GRID2: variants seen among roughly 807,000 people sequenced by gnomAD.
GRID2 encodes the protein glutamate ionotropic receptor delta type subunit 2.
Under a neutral mutation model 114.8 loss-of-function variants are expected in GRID2, and 33 were observed. That is an observed-to-expected ratio of 0.29 (90% CI 0.22 to 0.38). GRID2 has a LOEUF of 0.38. Among genes scored for constraint, GRID2 ranks in the 10% least tolerant of loss-of-function variants. GRID2 has a pLI of 1.00. For missense variants in GRID2, 1,184 were observed against 1,257.7 expected (o/e 0.94, Z 0.89); for synonymous variants, 505 against 449.9 (o/e 1.12, Z -1.55).
chr4:93,554,867 T>C (rs1734150147), intron 13 of GRID2, among the ~76,000 whole-genome samples: 1 of 152,266 alleles, frequency 6.6e-6, no homozygotes, highest in East Asian at 1.9e-4. Context: ...GCAAAATCAA[T>C]GCAGAAGGCG....
intron 8 of GRID2, among the ~76,000 whole-genome samples, chr4:93,379,142 A>T (rs919746772): frequency 6.6e-6 from 1 of 152,086 alleles, no homozygotes; most frequent in Non-Finnish European, 1.5e-5. Flanking sequence ...TTGTGTTTTC[A>T]TAGTAAGGCT....
At chr4:92,540,910 T>C (rs1001386439) in intron 1 of GRID2, among the ~76,000 whole-genome samples, 1 of 152,142 alleles carries the variant, frequency 6.6e-6, no homozygotes, top group African/African-American at 2.4e-5. Flanking sequence ...CCAACAATGA[T>C]AGACTGGATT....
At chr4:92,655,618 T>A (rs1407428817) in intron 2 of GRID2, among the ~76,000 whole-genome samples, 1 of 151,896 alleles carries the variant, frequency 6.6e-6, no homozygotes, top group Non-Finnish European at 1.5e-5. Flanking sequence ...TTTCTAAGTA[T>A]TCTTTTTTTT....
chr4:92,641,824 A>T (rs922534070), intron 2 of GRID2, among the ~76,000 whole-genome samples: 1 of 151,056 alleles, frequency 6.6e-6, no homozygotes, highest in Non-Finnish European at 1.5e-5. Context: ...GTCTATTCCC[A>T]TTCTTAGGTC....
chr4:93,557,798 C>G (rs1734466370), intron 13 of GRID2, among the ~76,000 whole-genome samples: 1 of 152,186 alleles, frequency 6.6e-6, no homozygotes, highest in African/African-American at 2.4e-5. Flanking sequence ...CTTCCCAGCA[C>G]CACATCACAC....
chr4:93,106,645 T>TA (rs374866110), intron 3 of GRID2, among the ~76,000 whole-genome samples: 86 of 152,310 alleles, frequency 5.6e-4, no homozygotes, highest in African/African-American at 2.0e-3. Context: ...TAATGACTCT[T>TA]ACACACAGCA....
intron 7 of GRID2, among the ~76,000 whole-genome samples, chr4:93,232,515 C>G (rs536093450): frequency 2.0e-4 from 30 of 148,456 alleles, no homozygotes; most frequent in African/African-American, 7.0e-4. Context: ...AATATGATAT[C>G]TGATAGAGTT....
At chr4:93,212,544 GT>G (rs1743661562) in intron 5 of GRID2, among the ~76,000 whole-genome samples, 1 of 152,068 alleles carries the variant, frequency 6.6e-6, no homozygotes, top group South Asian at 2.1e-4. Context: ...CTTTATTTAA[GT>G]TTTACAAAAG....
chr4:92,550,977 G>T (rs184133997), intron 1 of GRID2, among the ~76,000 whole-genome samples: 1 of 152,142 alleles, frequency 6.6e-6, no homozygotes, highest in East Asian at 1.9e-4. Flanking sequence ...TTAAAAACCA[G>T]TTTTCTGATT....
intron 14 of GRID2, among the ~76,000 whole-genome samples, chr4:93,691,332 A>C (rs892118611): frequency 6.6e-6 from 1 of 152,052 alleles, no homozygotes; most frequent in African/African-American, 2.4e-5. Context: ...AAAGCGTTTT[A>C]TGGATGTGTT....
intron 8 of GRID2, among the ~76,000 whole-genome samples, chr4:93,263,965 G>C (rs1273394491): frequency 6.6e-6 from 1 of 152,124 alleles, no homozygotes; most frequent in African/African-American, 2.4e-5. Flanking sequence ...TTTTAGGGCA[G>C]TTCAGAAAAG....
chr4:92,396,670 T>C (rs1303347884), intron 1 of GRID2, among the ~76,000 whole-genome samples: 1 of 152,020 alleles, frequency 6.6e-6, no homozygotes, highest in Non-Finnish European at 1.5e-5. Flanking sequence ...TAAATCGTAA[T>C]TATTAAAGAT....
intron 14 of GRID2, among the ~76,000 whole-genome samples, chr4:93,695,001 G>A (rs1412408054): frequency 6.6e-6 from 1 of 151,952 alleles, no homozygotes; most frequent in African/African-American, 2.4e-5. Context: ...GTGAAACCCC[G>A]TCTCTACTAA....
At chr4:92,914,086 C>T (rs948860669) in intron 2 of GRID2, among the ~76,000 whole-genome samples, 1 of 152,076 alleles carries the variant, frequency 6.6e-6, no homozygotes, top group African/African-American at 2.4e-5. Context: ...AATGAATTAA[C>T]ATTTGCAAAT....
chr4:93,287,242 T>A (rs537380322), intron 8 of GRID2, among the ~76,000 whole-genome samples: 6 of 152,304 alleles, frequency 3.9e-5, no homozygotes, highest in Non-Finnish European at 8.8e-5. Context: ...AAAATTGTTT[T>A]TCTGTCATTT....
chr4:93,805,969 T>C (rs1735020649), intron 1 of GRID2, among the ~76,000 whole-genome samples: 1 of 152,080 alleles, frequency 6.6e-6, no homozygotes. Flanking sequence ...TGGTGGCATG[T>C]GCCTGTGGTC....
intron 11 of GRID2, among the ~76,000 whole-genome samples, chr4:93,472,326 A>C (rs1218937170): frequency 1.3e-5 from 2 of 152,088 alleles, no homozygotes; most frequent in African/African-American, 4.8e-5. Flanking sequence ...TCCATCTCAA[A>C]AAAAAAGTTA....
intron 11 of GRID2, among the ~76,000 whole-genome samples, chr4:93,468,469 C>A (rs1724498825): frequency 1.3e-5 from 2 of 152,254 alleles, no homozygotes; most frequent in Admixed American, 6.5e-5. Context: ...GGAACTGTTA[C>A]AATTTTCAAT....
intron 14 of GRID2, among the ~76,000 whole-genome samples, chr4:93,733,602 A>T (rs1730674476): frequency 6.6e-6 from 1 of 152,068 alleles, no homozygotes; most frequent in Admixed American, 6.6e-5. Flanking sequence ...ACCTGTCTAT[A>T]AATACCTACC....
Sources: allele counts gnomAD v4.1 joint callset (sites outside exome capture counted in the v4.1 genomes callset), GRCh38; gene constraint gnomAD v4.1.1; transcripts MANE v1.5; gene names NCBI Gene and HGNC (gene_info 2026-07-23, HGNC 2026-07-21).